Variants in DIAPH2 observed in about 807,000 individuals in gnomAD.
DIAPH2 encodes protein diaphanous homolog 2.
DIAPH2 carries 35 observed loss-of-function variants against 92.7 expected under a neutral mutation model. The ratio of observed to expected loss-of-function variants is 0.38; its 90% CI spans 0.29 to 0.50. The LOEUF is 0.50. Among genes scored for constraint, DIAPH2 ranks in the 20% least tolerant of loss-of-function variants. The probability of loss-of-function intolerance (pLI) is 0.94; values close to 1 mark genes in which losing one functional copy is unlikely to be tolerated. For missense variants in DIAPH2, 701 were observed against 819.5 expected (o/e 0.86, Z 1.77); for synonymous variants, 301 against 280.4 (o/e 1.07, Z -0.73).
chrX:96,886,838 G>T (rs951795283), intron 5 of DIAPH2, among the ~76,000 whole-genome samples: 26 of 110,522 alleles, frequency 2.4e-4, no homozygotes, highest in Admixed American at 2.3e-3. Flanking sequence ...TGCTTGAGCT[G>T]ATTCAGCTGG....
chrX:97,414,887 A>G (rs1293846846), intron 25 of DIAPH2, among the ~76,000 whole-genome samples: 2 of 111,706 alleles, frequency 1.8e-5, no homozygotes, highest in Non-Finnish European at 3.8e-5. Context: ...GCTTCCGCAC[A>G]GCAAAAGAAA....
At chrX:97,008,493 G>A (rs1241000790) in intron 17 of DIAPH2, among the ~76,000 whole-genome samples, 1 of 111,116 alleles carries the variant, frequency 9.0e-6, no homozygotes, top group African/African-American at 3.3e-5. Flanking sequence ...CTTGGTGTCC[G>A]GGTGTTGATT....
chrX:97,576,266 C>G (rs1012113293), intron 26 of DIAPH2, among the ~76,000 whole-genome samples: 4 of 111,686 alleles, frequency 3.6e-5, no homozygotes, highest in Non-Finnish European at 5.6e-5. Flanking sequence ...TCTGTGCAGA[C>G]TGCAGTCAGA....
At chrX:97,598,386 G>A (rs1175469926) in intron 26 of DIAPH2, among the ~76,000 whole-genome samples, 2 of 111,982 alleles carry the variant, frequency 1.8e-5, no homozygotes, top group Admixed American at 9.5e-5. Context: ...TAGCATTTAT[G>A]TAAGTGCTGG....
intron 4 of DIAPH2, among the ~76,000 whole-genome samples, chrX:96,873,345 G>A (rs1278275344): frequency 9.0e-6 from 1 of 111,586 alleles, no homozygotes; most frequent in Non-Finnish European, 1.9e-5. Context: ...CTTGTCAGAT[G>A]TATGTATAGT....
chrX:97,591,903 A>G (rs1038642805), intron 26 of DIAPH2, among the ~76,000 whole-genome samples: 2 of 112,124 alleles, frequency 1.8e-5, no homozygotes, highest in African/African-American at 6.5e-5. Flanking sequence ...TCTATTCACT[A>G]GCTTTGACAT....
intron 26 of DIAPH2, among the ~76,000 whole-genome samples, chrX:97,573,238 C>A (rs1659667697): frequency 9.0e-6 from 1 of 111,346 alleles, no homozygotes; most frequent in Non-Finnish European, 1.9e-5. Flanking sequence ...TCCCATTGAG[C>A]AAATTCACAT....
At chrX:96,956,967 ATTG>A (rs1177918192) in intron 15 of DIAPH2, among the ~76,000 whole-genome samples, 1 of 112,460 alleles carries the variant, frequency 8.9e-6, no homozygotes, top group Non-Finnish European at 1.9e-5. Context: ...AATTTACTGT[ATTG>A]TTGTTCTCAC....
At chrX:96,744,500 T>G (rs2064137845) in intron 3 of DIAPH2, among the ~76,000 whole-genome samples, 1 of 112,253 alleles carries the variant, frequency 8.9e-6, no homozygotes, top group Non-Finnish European at 1.9e-5. Flanking sequence ...AATTAGTACA[T>G]TTTCCTTGCA....
intron 23 of DIAPH2, among the ~76,000 whole-genome samples, chrX:97,300,703 C>G (rs5921775): frequency 1.1e-5 from 1 of 87,355 alleles, no homozygotes; most frequent in African/African-American, 4.0e-5. Context: ...GAGGCCGAGG[C>G]GGGCGGATCA....
At chrX:96,994,859 A>G (rs868521224) in intron 17 of DIAPH2, among the ~76,000 whole-genome samples, 1 of 111,313 alleles carries the variant, frequency 9.0e-6, no homozygotes, top group Admixed American at 9.6e-5. Flanking sequence ...CCATGATTCA[A>G]TTACCTCTAC....
chrX:97,561,180 C>T (rs1457925386), intron 26 of DIAPH2, among the ~76,000 whole-genome samples: 2 of 112,210 alleles, frequency 1.8e-5, no homozygotes, highest in African/African-American at 3.2e-5. Flanking sequence ...TGGATCAATT[C>T]CTCTTCCAGG....
At chrX:97,087,725 A>C (rs923774775) in intron 19 of DIAPH2, among the ~76,000 whole-genome samples, 5 of 112,139 alleles carry the variant, frequency 4.5e-5, no homozygotes, top group African/African-American at 1.6e-4. Context: ...TTAGTATCTT[A>C]GACATTTATT....
chrX:97,397,244 G>A (rs1465052515), intron 25 of DIAPH2, among the ~76,000 whole-genome samples: 1 of 111,854 alleles, frequency 8.9e-6, no homozygotes, highest in Non-Finnish European at 1.9e-5. Context: ...GAAGATGATG[G>A]TATGATTCAT....
Position 97,141,754 on chromosome X carries a change from A to G in DIAPH2, c.2679A>G (p.Lys893=). Residue 893 remains lysine, a synonymous_variant, in exon 22 of 27, where the codon AAA becomes AAG. Coordinates refer to ENST00000324765, the MANE Select transcript of DIAPH2 (RefSeq NM_006729.5). ...ICEEKYRDIL[K]FPEELEHVES... ...AGGAAAAATATCGAGATATCCTAAA[A>G]TTTCCTGAAGAACTGGAACACGTAG... 2 of 1,205,399 alleles carry G rather than the reference A, an allele frequency of 1.7e-6. No individual in the cohort carries two copies. The highest frequency in any genetic ancestry group is 1.8e-5 in the South Asian group (1 of 55,000).
intron 4 of DIAPH2, among the ~76,000 whole-genome samples, chrX:96,858,737 T>A (rs61570479): frequency 8.9e-6 from 1 of 112,091 alleles, no homozygotes; most frequent in African/African-American, 3.2e-5. Flanking sequence ...CTGTGGATCC[T>A]AACTATTTTG....
intron 17 of DIAPH2, among the ~76,000 whole-genome samples, chrX:97,057,249 T>A (rs1333519464): frequency 9.0e-6 from 1 of 111,718 alleles, no homozygotes; most frequent in Non-Finnish European, 1.9e-5. Flanking sequence ...TTATATACGT[T>A]TCTTAAGGCT....
intron 17 of DIAPH2, among the ~76,000 whole-genome samples, chrX:97,023,226 G>A (rs1339391512): frequency 9.0e-6 from 1 of 111,060 alleles, no homozygotes; most frequent in Non-Finnish European, 1.9e-5. Context: ...ACTTTATCTT[G>A]GATATTAGAC....
intron 26 of DIAPH2, among the ~76,000 whole-genome samples, chrX:97,482,950 T>C (rs1291171359): frequency 9.0e-6 from 1 of 111,076 alleles, no homozygotes; most frequent in African/African-American, 3.3e-5. Flanking sequence ...CCTAAAGAAC[T>C]TAGTAATAAA....
Sources: allele counts gnomAD v4.1 joint callset (sites outside exome capture counted in the v4.1 genomes callset), GRCh38; gene constraint gnomAD v4.1.1; transcripts MANE v1.5; gene names NCBI Gene and HGNC (gene_info 2026-07-23, HGNC 2026-07-21).